TRDN: variants seen among roughly 807,000 people sequenced by gnomAD.
TRDN encodes triadin in skeletal muscle.
Under a neutral mutation model 149.7 loss-of-function variants are expected in TRDN, and 161 were observed. The observed-to-expected ratio is 1.08, with a 90% CI of 0.95 to 1.23. The LOEUF (loss-of-function observed/expected upper bound fraction) is 1.23. Among genes scored for constraint, TRDN ranks in the 50% most tolerant of loss-of-function variants. TRDN has a pLI of 0.00. For synonymous variants in TRDN, 294 were observed against 250.5 expected (o/e 1.17, Z -1.64); for missense variants, 896 against 823.5 (o/e 1.09, Z -1.08).
At chr6:123,612,483 G>A (rs932276093) in intron 1 of TRDN, among the ~76,000 whole-genome samples, 2 of 151,284 alleles carry the variant, frequency 1.3e-5, no homozygotes, top group East Asian at 2.0e-4. Flanking sequence ...TGGTGGTGGC[G>A]GGCGCCTGTA....
At chr6:123,453,166 A>G (rs1775892169) in intron 10 of TRDN, among the ~76,000 whole-genome samples, 1 of 152,172 alleles carries the variant, frequency 6.6e-6, no homozygotes, top group Non-Finnish European at 1.5e-5. Flanking sequence ...ATAACATTGG[A>G]AAAACCCTTC....
chr6:123,430,944 T>C (rs548937556), intron 12 of TRDN, among the ~76,000 whole-genome samples: 1 of 152,284 alleles, frequency 6.6e-6, no homozygotes, highest in Admixed American at 6.5e-5. Flanking sequence ...CAGATTAGCT[T>C]CCAGAGCTAA....
intron 6 of TRDN, 61 bp downstream of exon 6, chr6:123,516,080 G>A: frequency 1.5e-6 from 2 of 1,375,158 alleles, no homozygotes; most frequent in Non-Finnish European, 9.5e-7. Context: ...TGAATGTAAA[G>A]AGTAGGAAGT....
At chr6:123,243,572 GAGAT>G (rs1776067239) in intron 38 of TRDN, among the ~76,000 whole-genome samples, 1 of 151,976 alleles carries the variant, frequency 6.6e-6, no homozygotes, top group South Asian at 2.1e-4. Context: ...ATTTAAAAAA[GAGAT>G]AGCTATTTTA....
chr6:123,333,300 T>C (rs2114729709), intron 22 of TRDN, among the ~76,000 whole-genome samples: 1 of 152,096 alleles, frequency 6.6e-6, no homozygotes, highest in Admixed American at 6.6e-5. Context: ...TGAGTGTGTA[T>C]GTTTGTGTGA....
chr6:123,320,291 A>G (rs1018265833), intron 23 of TRDN, among the ~76,000 whole-genome samples: 2 of 151,508 alleles, frequency 1.3e-5, no homozygotes, highest in African/African-American at 4.8e-5. Flanking sequence ...TATATATGTT[A>G]TCTATATTTT....
At chr6:123,457,793 A>G (rs1776218389) in intron 10 of TRDN, among the ~76,000 whole-genome samples, 1 of 152,232 alleles carries the variant, frequency 6.6e-6, no homozygotes, top group Admixed American at 6.5e-5. Context: ...AATTGAAAAT[A>G]TGTTTAAATC....
At chr6:123,412,919 A>G (rs1468870704) in intron 12 of TRDN, among the ~76,000 whole-genome samples, 4 of 152,192 alleles carry the variant, frequency 2.6e-5, no homozygotes, top group African/African-American at 7.2e-5. Flanking sequence ...AGACCTTGAC[A>G]GCTTCCAGCA....
intron 1 of TRDN, among the ~76,000 whole-genome samples, chr6:123,612,196 A>C (rs1215311608): frequency 7.3e-6 from 1 of 136,056 alleles, no homozygotes; most frequent in Non-Finnish European, 1.5e-5. Flanking sequence ...GGAGTTCGAG[A>C]CCAGCCTGGC....
At chr6:123,261,869 A>G (rs1255492871) in intron 33 of TRDN, among the ~76,000 whole-genome samples, 1 of 151,970 alleles carries the variant, frequency 6.6e-6, no homozygotes, top group Non-Finnish European at 1.5e-5. Context: ...GAATATCTCC[A>G]GCCTAAAGGC....
At chr6:123,324,649 CTCTACACTTAGAGT>C (rs767124151) in intron 23 of TRDN, among the ~76,000 whole-genome samples, 1 of 134,156 alleles carries the variant, frequency 7.5e-6, no homozygotes, top group Non-Finnish European at 1.7e-5. Context: ...AATATTGGAG[CTCTACACTTAGAGT>C]TGCACGTGTA....
intron 37 of TRDN, 66 bp from the exon 38 acceptor site, chr6:123,252,501 G>A: frequency 1.2e-6 from 1 of 840,748 alleles, no homozygotes; most frequent in Middle Eastern, 2.8e-4. Flanking sequence ...ATAAATCAGT[G>A]GACTTTATAA....
intron 10 of TRDN, among the ~76,000 whole-genome samples, chr6:123,461,146 G>A (rs569412590): frequency 1.3e-4 from 20 of 151,950 alleles, no homozygotes; most frequent in Non-Finnish European, 2.9e-4. Context: ...AAGCATAGAG[G>A]GACTTTAGAG....
intron 9 of TRDN, among the ~76,000 whole-genome samples, chr6:123,482,817 G>A (rs1193611659): frequency 6.6e-6 from 1 of 151,954 alleles, no homozygotes; most frequent in Non-Finnish European, 1.5e-5. Flanking sequence ...CACTGTGGAT[G>A]GTTACAATAG....
At chr6:123,244,677 TA>T (rs553371481) in intron 38 of TRDN, among the ~76,000 whole-genome samples, 190 of 152,246 alleles carry the variant, frequency 1.2e-3, no homozygotes, top group African/African-American at 4.0e-3. Context: ...CACTTCATGA[TA>T]TTATCCAGGA....
At chr6:123,296,981 T>C (rs1778226159) in intron 24 of TRDN, among the ~76,000 whole-genome samples, 2 of 152,076 alleles carry the variant, frequency 1.3e-5, no homozygotes, top group South Asian at 2.1e-4. Context: ...AGTAGAAATA[T>C]TATTTATGGT....
chr6:123,423,928 A>G (rs1376630102), intron 12 of TRDN, among the ~76,000 whole-genome samples: 1 of 152,132 alleles, frequency 6.6e-6, no homozygotes, highest in Non-Finnish European at 1.5e-5. Flanking sequence ...AACTTGGGTC[A>G]TGGGCCCACA....
At position 123,503,444 on chromosome 6, in the gene TRDN, T is replaced by G. The variant is rs777484814; in HGVS notation, c.793+275A>C. Reference sequence around the variant, plus strand: ...CCATATCTCAAAAATTCAACATTTATCCCCAATCTTTATATGATTTCGGAT... The same window carrying G: ...CCATATCTCAAAAATTCAACATTTAGCCCCAATCTTTATATGATTTCGGAT... On this transcript the variant is annotated intron_variant, in intron 8 of 40. Coordinates refer to ENST00000334268, the MANE Select transcript of TRDN (RefSeq NM_006073.4). The G allele has an allele frequency of 1.2e-5, 12 of 985,162 alleles. No homozygotes were observed. In the African/African-American group the frequency reaches 1.9e-4, roughly 16 times the overall value. The allele number at this position is 985,162 out of a possible 1,614,324, so 61.0% of individuals were successfully genotyped here.
chr6:123,563,733 A>G (rs1429421781), intron 2 of TRDN, among the ~76,000 whole-genome samples: 3 of 152,362 alleles, frequency 2.0e-5, no homozygotes, highest in African/African-American at 7.2e-5. Flanking sequence ...ACATATTCTG[A>G]CTAATTATTT....
Sources: allele counts gnomAD v4.1 joint callset (sites outside exome capture counted in the v4.1 genomes callset), GRCh38; gene constraint gnomAD v4.1.1; transcripts MANE v1.5; gene names NCBI Gene and HGNC (gene_info 2026-07-23, HGNC 2026-07-21).